The following SGCD variants were observed in gnomAD, a reference collection of about 807,000 sequenced individuals.
SGCD encodes the protein sarcoglycan delta.
A neutral mutation model predicts 36.6 loss-of-function variants in SGCD; 18 were observed. The observed-to-expected ratio is 0.49, with a 90% CI of 0.34 to 0.73. SGCD has a LOEUF of 0.73. SGCD is among the 30% of genes least tolerant of loss of function. The pLI is 0.01. For synonymous variants in SGCD, 133 were observed against 130.6 expected, an observed-to-expected ratio of 1.02 and a Z score of -0.12; for missense variants, 387 against 346.7, an observed-to-expected ratio of 1.12 and a Z score of -0.92.
intron 1 of SGCD, among the ~76,000 whole-genome samples, chr5:155,892,849 G>A (rs973596995): frequency 2.6e-5 from 4 of 152,122 alleles, no homozygotes; most frequent in East Asian, 3.8e-4. Context: ...AGTAAAGTAC[G>A]CCAGACACTG....
chr5:156,174,787 A>T (rs565979857), intron 3 of SGCD, among the ~76,000 whole-genome samples: 1 of 152,254 alleles, frequency 6.6e-6, no homozygotes, highest in East Asian at 1.9e-4. Context: ...GTCAAATAAG[A>T]CTTCATGGTT....
intron 1 of SGCD, among the ~76,000 whole-genome samples, chr5:156,024,917 CA>C (rs1298098653): frequency 4.0e-5 from 6 of 150,198 alleles, no homozygotes; most frequent in Admixed American, 1.3e-4. Context: ...GAGATCGTGC[CA>C]CTGCACTCCA....
At position 156,485,015 on chromosome 5, in the gene SGCD, A is replaced by G. The variant is rs555422100; in HGVS notation, c.193-23586A>G. Among the ~76,000 whole-genome samples the G allele has an allele frequency of 1.4e-4, 22 of 152,250 alleles. No individual in the cohort carries two copies. In the South Asian group the frequency reaches 4.4e-3, roughly 30 times the overall value. Reference sequence around the variant, plus strand: ...ATCTGCCATATAACCTTTGGAAACAAACTTTTTTTTTTTTCATAACGATTT... The same window carrying G: ...ATCTGCCATATAACCTTTGGAAACAGACTTTTTTTTTTTTCATAACGATTT... On this transcript the variant is annotated intron_variant, in intron 3 of 8. Transcript: ENST00000337851.
At chr5:156,333,560 T>C (rs1022456128) in intron 2 of SGCD, among the ~76,000 whole-genome samples, 1 of 152,052 alleles carries the variant, frequency 6.6e-6, no homozygotes, top group Non-Finnish European at 1.5e-5. Context: ...AGCCAAACAC[T>C]CTGGATTCAA....
chr5:156,511,458 C>A (rs1020870242), intron 4 of SGCD, among the ~76,000 whole-genome samples: 47 of 152,330 alleles, frequency 3.1e-4, no homozygotes, highest in African/African-American at 1.1e-3. Context: ...TTCAAAATGT[C>A]AAATCGCTCC....
chr5:156,389,444 A>G (rs1041209218), intron 3 of SGCD, among the ~76,000 whole-genome samples: 1 of 152,214 alleles, frequency 6.6e-6, no homozygotes, highest in Non-Finnish European at 1.5e-5. Context: ...CCAGAAGGAT[A>G]CAAGTCCAAA....
rs556864870 is a variant in SGCD at position 156,039,414 on chromosome 5, T to C, written c.-281-78464T>C. ...TCAAAATTAAAGGCAACATCCTCCA[T>C]TGACAAGGAAAGGAGCAAGCTCCTT... On this transcript the variant is annotated intron_variant, in intron 1 of 9. Coordinates refer to the SGCD transcript ENST00000517913. Among the ~76,000 whole-genome samples, 12 of 145,610 alleles carry C rather than the reference T, an allele frequency of 8.2e-5. No individual in the cohort carries two copies. In the South Asian group the frequency reaches 1.5e-3, roughly 18 times the overall value.
intron 3 of SGCD, among the ~76,000 whole-genome samples, chr5:156,363,283 C>T (rs560281151): frequency 6.6e-6 from 1 of 152,144 alleles, no homozygotes; most frequent in Non-Finnish European, 1.5e-5. Context: ...TGGTAACTCA[C>T]GTATTTCTAA....
chr5:156,616,428 G>A (rs1025157459), intron 6 of SGCD, among the ~76,000 whole-genome samples: 2 of 152,156 alleles, frequency 1.3e-5, no homozygotes, highest in South Asian at 4.1e-4. Flanking sequence ...GGGAATAGGT[G>A]CTAGGAAAAA....
chr5:156,502,095 G>A (rs1346668399), intron 3 of SGCD, among the ~76,000 whole-genome samples: 1 of 148,230 alleles, frequency 6.7e-6, no homozygotes, highest in Admixed American at 6.7e-5. Flanking sequence ...TGCCCAGGCT[G>A]GAGTGCAGTG....
chr5:156,552,314 G>C (rs1053940754), intron 4 of SGCD, among the ~76,000 whole-genome samples: 1 of 152,298 alleles, frequency 6.6e-6, no homozygotes, highest in South Asian at 2.1e-4. Context: ...CTGTAGTGCT[G>C]TGTTGAGAAG....
intron 3 of SGCD, among the ~76,000 whole-genome samples, chr5:156,497,802 CA>C (rs1015722973): frequency 3.3e-5 from 5 of 152,032 alleles, no homozygotes; most frequent in African/African-American, 1.2e-4. Flanking sequence ...TGGCAAATGA[CA>C]AAAAGGATCA....
At chr5:156,487,051 C>T (rs960323562) in intron 3 of SGCD, among the ~76,000 whole-genome samples, 1 of 152,130 alleles carries the variant, frequency 6.6e-6, no homozygotes, top group Admixed American at 6.5e-5. Flanking sequence ...AGGAGAAGCT[C>T]ACTCATACTC....
chr5:156,360,620 TCCCATC>T (rs1769737600), intron 3 of SGCD, among the ~76,000 whole-genome samples: 1 of 151,944 alleles, frequency 6.6e-6, no homozygotes, highest in South Asian at 2.1e-4. Flanking sequence ...AGCACACACT[TCCCATC>T]CTGTGCCTAT....
chr5:156,686,114 T>C (rs1753895895), intron 7 of SGCD, among the ~76,000 whole-genome samples: 1 of 152,226 alleles, frequency 6.6e-6, no homozygotes, highest in African/African-American at 2.4e-5. Context: ...GAACAATGTG[T>C]AAAACACTTT....
chr5:155,934,284 C>T (rs929610947), intron 1 of SGCD, among the ~76,000 whole-genome samples: 2 of 152,152 alleles, frequency 1.3e-5, no homozygotes, highest in Admixed American at 1.3e-4. Flanking sequence ...GATTTATTTT[C>T]CTTGATGAGC....
At chr5:156,231,308 G>T (rs1010422774) in intron 3 of SGCD, among the ~76,000 whole-genome samples, 3 of 152,200 alleles carry the variant, frequency 2.0e-5, no homozygotes, top group Admixed American at 2.0e-4. Flanking sequence ...GCCAAGCTGT[G>T]TGGATCACTT....
chr5:155,767,732 G>A, the SGCD span, among the ~76,000 whole-genome samples: 1 of 152,158 alleles, frequency 6.6e-6, no homozygotes, highest in Non-Finnish European at 1.5e-5. Flanking sequence ...TGCATCATCT[G>A]TTGTTCTGAT....
At chr5:156,055,129 T>C (rs528376388) in intron 1 of SGCD, among the ~76,000 whole-genome samples, 1 of 140,750 alleles carries the variant, frequency 7.1e-6, no homozygotes, top group Non-Finnish European at 1.6e-5. Flanking sequence ...CCTATAGCAG[T>C]GCCAGCTTCC....
Sources: gnomAD v4.1 joint callset for allele counts (sites outside exome capture counted in the v4.1 genomes callset) on GRCh38, gnomAD v4.1.1 for gene constraint, MANE v1.5 for transcripts, NCBI Gene and HGNC (gene_info 2026-07-23, HGNC 2026-07-21) for gene names.